Variants in ABCC4 observed in about 807,000 individuals in gnomAD.
ABCC4 encodes the protein ATP-binding cassette sub-family C member 4.
ABCC4 carries 102 observed loss-of-function variants against 168.5 expected under a neutral mutation model. That is an observed-to-expected ratio of 0.61 (90% CI 0.52 to 0.71). ABCC4 has a LOEUF of 0.71. Among genes scored for constraint, ABCC4 ranks in the 30% least tolerant of loss-of-function variants. The probability of loss-of-function intolerance (pLI) is 0.00; values close to 1 mark genes in which losing one functional copy is unlikely to be tolerated. For synonymous variants in ABCC4, 617 were observed against 590.7 expected (o/e 1.04, Z -0.65); for missense variants, 1,402 against 1,605.8 (o/e 0.87, Z 2.17).
intron 30 of ABCC4, among the ~76,000 whole-genome samples, chr13:95,025,268 CACCCCCACA>C (rs2031409547): frequency 1.9e-5 from 1 of 52,564 alleles, no homozygotes. Context: ...CACACCCCCA[CACCCCCACA>C]CACACCCCCA....
chr13:95,214,603 T>C (rs1262564190), intron 4 of ABCC4, among the ~76,000 whole-genome samples: 1 of 151,958 alleles, frequency 6.6e-6, no homozygotes, highest in African/African-American at 2.4e-5. Flanking sequence ...CAAAAATAAC[T>C]GGCCAGGTGC....
chr13:95,068,605 G>A (rs1210873729), intron 25 of ABCC4, among the ~76,000 whole-genome samples: 2 of 152,154 alleles, frequency 1.3e-5, no homozygotes, highest in African/African-American at 2.4e-5. Flanking sequence ...ATGACACAGC[G>A]AGACTCTGTC....
chr13:95,133,098 G>A (rs1424985808), intron 19 of ABCC4, among the ~76,000 whole-genome samples: 1 of 140,976 alleles, frequency 7.1e-6, no homozygotes, highest in Non-Finnish European at 1.5e-5. Context: ...ATTTTACTAT[G>A]ATTTTAAAAC....
intron 8 of ABCC4, among the ~76,000 whole-genome samples, chr13:95,199,768 C>A (rs2038571699): frequency 6.6e-6 from 1 of 152,140 alleles, no homozygotes; most frequent in Non-Finnish European, 1.5e-5. Flanking sequence ...CCCCAGGCTG[C>A]AGCCAGGGTG....
intron 9 of ABCC4, among the ~76,000 whole-genome samples, chr13:95,191,180 G>A (rs9524821): frequency 0.29 from 44,593 of 152,046 alleles, 7,927 homozygotes; most frequent in Non-Finnish European, 0.4. Flanking sequence ...CAGAAAGCAC[G>A]GTGGGGGAAT....
chr13:95,234,261 T>C (rs1309877269), intron 4 of ABCC4, among the ~76,000 whole-genome samples: 2 of 152,164 alleles, frequency 1.3e-5, no homozygotes, highest in African/African-American at 2.4e-5. Context: ...GAAAACCAAT[T>C]TGATATTTTT....
chr13:95,182,747 C>G (rs138321523), intron 11 of ABCC4, among the ~76,000 whole-genome samples: 2 of 152,268 alleles, frequency 1.3e-5, no homozygotes, highest in Non-Finnish European at 2.9e-5. Flanking sequence ...AAATCACACA[C>G]CTACTGAAGA....
intron 15 of ABCC4, among the ~76,000 whole-genome samples, chr13:95,165,452 C>T (rs531853209): frequency 6.6e-6 from 1 of 152,318 alleles, no homozygotes; most frequent in Admixed American, 6.5e-5. Context: ...CAAGGAATAT[C>T]TATGCTTTTA....
In ABCC4 at chr13:95,054,020, C is replaced by CTTTTTTTTT. The variant is rs1566375296; in HGVS notation, c.3367-837_3367-836insAAAAAAAAA. 4 of 73,168 alleles carry CTTTTTTTTT rather than the reference C, an allele frequency of 5.5e-5. 1 individual carries two copies. Among genetic ancestry groups the CTTTTTTTTT allele is most frequent in the Admixed American group, 1.7e-4 (1 of 6,006 alleles). 4.5% of individuals were successfully genotyped at this position (73,168 alleles called of 1,614,324 possible). On this transcript the variant is annotated intron_variant, in intron 26 of 30. Transcript: ENST00000645237. ...TCTCTCCAATGTCAGAATGGGACAT[C>CTTTTTTTTT]CTTTTTTTTTTTTTTTTTTTTTTTT... is the stretch of plus-strand genomic sequence containing the variant.
chr13:95,207,935 A>C lies in ABCC4; in HGVS notation c.786-10T>G. 5 of 1,612,176 alleles carry C rather than the reference A, an allele frequency of 3.1e-6. No homozygotes were observed. The highest frequency in any genetic ancestry group is 4.2e-6 in the Non-Finnish European group (5 of 1,179,570). Reference sequence around the variant, plus strand: ...AGTTGCAGTTTTACTCCTAAGGGGAACCAGACACGGGAGATGAGCCTGAGC... The same window carrying C: ...AGTTGCAGTTTTACTCCTAAGGGGACCCAGACACGGGAGATGAGCCTGAGC... On this transcript the variant is annotated splice_polypyrimidine_tract_variant and intron_variant, in intron 6 of 30. Coordinates refer to ENST00000645237, the MANE Select transcript of ABCC4 (RefSeq NM_005845.5).
intron 10 of ABCC4, 74 bp downstream of exon 10, chr13:95,188,379 C>G: frequency 7.4e-7 from 1 of 1,360,306 alleles, no homozygotes; most frequent in Non-Finnish European, 1.1e-6. Flanking sequence ...TTACACGTAG[C>G]CTTGGGCTCA....
At chr13:95,136,609 A>G (rs1319658071) in intron 19 of ABCC4, among the ~76,000 whole-genome samples, 2 of 152,250 alleles carry the variant, frequency 1.3e-5, no homozygotes, top group Non-Finnish European at 2.9e-5. Flanking sequence ...AAGGAGATCC[A>G]GTCTCAAATG....
intron 1 of ABCC4, among the ~76,000 whole-genome samples, chr13:95,262,849 G>A (rs1025614675): frequency 6.6e-6 from 1 of 152,140 alleles, no homozygotes; most frequent in Non-Finnish European, 1.5e-5. Context: ...TGGCCAGGCT[G>A]GTCTCGAACT....
intron 19 of ABCC4, among the ~76,000 whole-genome samples, chr13:95,136,253 A>G (rs2036141113): frequency 6.6e-6 from 1 of 151,780 alleles, no homozygotes; most frequent in African/African-American, 2.4e-5. Context: ...GCTCACTGCA[A>G]CCTCCGTCTT....
At chr13:95,147,984 T>A (rs1322887859) in intron 19 of ABCC4, among the ~76,000 whole-genome samples, 1 of 152,120 alleles carries the variant, frequency 6.6e-6, no homozygotes, top group African/African-American at 2.4e-5. Flanking sequence ...AAAAAAATAC[T>A]CTATTGATTT....
At chr13:95,270,741 AGG>A (rs2040826385) in intron 1 of ABCC4, among the ~76,000 whole-genome samples, 1 of 152,232 alleles carries the variant, frequency 6.6e-6, no homozygotes, top group Non-Finnish European at 1.5e-5. Context: ...CACACTGAGT[AGG>A]GAAGCTACAG....
At chr13:95,241,533 C>CG (rs2039944354) in intron 3 of ABCC4, among the ~76,000 whole-genome samples, 3 of 151,806 alleles carry the variant, frequency 2.0e-5, no homozygotes, top group African/African-American at 7.3e-5. Flanking sequence ...TCCTGCCCCC[C>CG]CTGCAGGCTC....
chr13:95,091,959 G>C (rs760787809), intron 20 of ABCC4, among the ~76,000 whole-genome samples: 1 of 152,036 alleles, frequency 6.6e-6, no homozygotes, highest in African/African-American at 2.4e-5. Context: ...AACTTAAAGG[G>C]GTGGAAAAAG....
At chr13:95,098,148 A>G (rs2139366564) in intron 20 of ABCC4, among the ~76,000 whole-genome samples, 1 of 151,862 alleles carries the variant, frequency 6.6e-6, no homozygotes, top group South Asian at 2.1e-4. Context: ...AAAAAAAAAA[A>G]AAAAGTCAAC....
Sources: gnomAD v4.1 joint callset for allele counts (sites outside exome capture counted in the v4.1 genomes callset) on GRCh38, gnomAD v4.1.1 for gene constraint, MANE v1.5 for transcripts, NCBI Gene and HGNC (gene_info 2026-07-23, HGNC 2026-07-21) for gene names.